Variants in THRB observed in about 807,000 individuals in gnomAD.
The protein encoded by THRB is thyroid hormone receptor beta, also known as nuclear receptor subfamily 1 group A member 2.
A neutral mutation model predicts 47.8 loss-of-function variants in THRB; 12 were observed. That is an observed-to-expected ratio of 0.25 (90% CI 0.16 to 0.41). THRB has a LOEUF of 0.41. Ranked by LOEUF, THRB falls within the 10% of genes least tolerant of loss-of-function variation. The pLI is 1.00. For synonymous variants in THRB, 218 were observed against 212.2 expected (o/e 1.03, Z -0.24); for missense variants, 348 against 589.2 (o/e 0.59, Z 4.24).
intron 2 of THRB, among the ~76,000 whole-genome samples, chr3:24,309,076 T>G (rs948789950): frequency 6.6e-6 from 1 of 152,196 alleles, no homozygotes; most frequent in African/African-American, 2.4e-5. Flanking sequence ...GAATACTGCT[T>G]CATCAGAGAG....
At chr3:24,259,216 C>A (rs2051659763) in intron 3 of THRB, among the ~76,000 whole-genome samples, 1 of 152,136 alleles carries the variant, frequency 6.6e-6, no homozygotes, top group East Asian at 1.9e-4. Context: ...TACACAAAGA[C>A]AAGCTGGCCA....
intron 3 of THRB, among the ~76,000 whole-genome samples, chr3:24,233,617 G>GAAAGAAAGAAAGAAAGAA (rs2048558082): frequency 1.7e-5 from 1 of 59,664 alleles, no homozygotes; most frequent in Non-Finnish European, 4.5e-5. Context: ...GAAAGAAAGA[G>GAAAGAAAGAAAGAAAGAA]AAAGAGCCTG....
chr3:24,225,253 T>C (rs1229230712), intron 4 of THRB, among the ~76,000 whole-genome samples: 1 of 152,018 alleles, frequency 6.6e-6, no homozygotes, highest in Non-Finnish European at 1.5e-5. Context: ...TGGTGGGAAA[T>C]TTTGGGGTAA....
At chr3:24,142,923 C>T (rs1472031797) in intron 8 of THRB, among the ~76,000 whole-genome samples, 9 of 152,154 alleles carry the variant, frequency 5.9e-5, no homozygotes, top group Admixed American at 5.9e-4. Flanking sequence ...GAATATTAAA[C>T]ATCAATATTG....
At chr3:24,215,610 C>T (rs367805200) in intron 4 of THRB, among the ~76,000 whole-genome samples, 66 of 152,274 alleles carry the variant, frequency 4.3e-4, no homozygotes, top group African/African-American at 1.6e-3. Flanking sequence ...ATCTCCATAA[C>T]GTTATTAGGC....
At chr3:24,446,435 G>C (rs796750706) in intron 1 of THRB, among the ~76,000 whole-genome samples, 1 of 152,064 alleles carries the variant, frequency 6.6e-6, no homozygotes, top group East Asian at 1.9e-4. Context: ...AGCAGGTTTG[G>C]AGAGAGGTCA....
intron 3 of THRB, among the ~76,000 whole-genome samples, chr3:24,272,613 C>T (rs1450949357): frequency 6.6e-6 from 1 of 152,118 alleles, no homozygotes; most frequent in African/African-American, 2.4e-5. Flanking sequence ...AATTTTTGCT[C>T]ATTGACTCAC....
chr3:24,476,138 G>A (rs1440010296), intron 1 of THRB, among the ~76,000 whole-genome samples: 1 of 152,192 alleles, frequency 6.6e-6, no homozygotes, highest in Non-Finnish European at 1.5e-5. Context: ...CTGGAATTGT[G>A]TCTCAGCCTG....
chr3:24,375,967 A>G (rs2065257701), intron 1 of THRB, among the ~76,000 whole-genome samples: 2 of 152,172 alleles, frequency 1.3e-5, no homozygotes, highest in South Asian at 2.1e-4. Context: ...CATTTCTCAC[A>G]AAGGATTTAC....
At chr3:24,383,490 TA>T (rs2065859449) in intron 1 of THRB, among the ~76,000 whole-genome samples, 1 of 152,150 alleles carries the variant, frequency 6.6e-6, no homozygotes, top group Non-Finnish European at 1.5e-5. Context: ...ACTGAATAAT[TA>T]AAAAATAATT....
chr3:24,454,566 A>C (rs908411930), intron 1 of THRB, among the ~76,000 whole-genome samples: 1 of 152,224 alleles, frequency 6.6e-6, no homozygotes, highest in Non-Finnish European at 1.5e-5. Flanking sequence ...TTTTTACTAC[A>C]CTTTAAAATG....
chr3:24,317,406 C>A (rs189218106), intron 2 of THRB, among the ~76,000 whole-genome samples: 2 of 152,118 alleles, frequency 1.3e-5, no homozygotes, highest in Non-Finnish European at 2.9e-5. Flanking sequence ...GTTGTGCTCA[C>A]GGCAGAAGGT....
chr3:24,409,745 A>G (rs1169627746), intron 1 of THRB, among the ~76,000 whole-genome samples: 1 of 151,850 alleles, frequency 6.6e-6, no homozygotes, highest in African/African-American at 2.4e-5. Flanking sequence ...ACTAACAAAC[A>G]AGCAGTTGGG....
intron 1 of THRB, among the ~76,000 whole-genome samples, chr3:24,385,435 A>G (rs1339571154): frequency 6.6e-6 from 1 of 151,976 alleles, no homozygotes; most frequent in East Asian, 1.9e-4. Flanking sequence ...ACACACACAC[A>G]CACGCACGGC....
At chr3:24,264,175 C>T (rs951578225) in intron 3 of THRB, among the ~76,000 whole-genome samples, 2 of 152,120 alleles carry the variant, frequency 1.3e-5, no homozygotes, top group Non-Finnish European at 1.5e-5. Context: ...GTCTCACAGA[C>T]CTCCTTCTTT....
In THRB at chr3:24,466,277, A is replaced by T. The variant is rs138750494; in HGVS notation, c.-261+28375T>A. ...ATTGTTTTTTTTCCTCTTATTTACC[A>T]TCTCCATTTTTTTCATTCTTTCTGG... On this transcript the variant is annotated intron_variant, in intron 1 of 10. Coordinates refer to ENST00000646209, the MANE Select transcript of THRB (RefSeq NM_001354712.2). Among the ~76,000 whole-genome samples the T allele has an allele frequency of 3.9e-3, 589 of 150,682 alleles. 11 individuals carry two copies. The highest frequency in any genetic ancestry group is 0.013 in the African/African-American group (514 of 40,974).
chr3:24,168,777 G>T (rs1013409026), intron 5 of THRB, among the ~76,000 whole-genome samples: 2 of 151,412 alleles, frequency 1.3e-5, no homozygotes, highest in Non-Finnish European at 2.9e-5. Context: ...GGCTTCACCT[G>T]CCTTTGAGTT....
intron 1 of THRB, among the ~76,000 whole-genome samples, chr3:24,378,582 T>C (rs1484694138): frequency 6.6e-6 from 1 of 152,178 alleles, no homozygotes; most frequent in East Asian, 1.9e-4. Flanking sequence ...TTTCCTGCCA[T>C]GACGGTGCTC....
chr3:24,123,030 CGTG>C lies in THRB; in HGVS notation c.1237_1239del (p.His413del). 1 of 1,614,136 alleles carries C rather than the reference CGTG, an allele frequency of 6.2e-7. No homozygotes were observed. Among genetic ancestry groups the C allele is most frequent in the Non-Finnish European group, 8.5e-7 (1 of 1,180,036 alleles). ...AGGAGTTTTGGCCAAAAGTGTGTCA[CGTG>C]GTGTTTTCGGTAATTGATATAGTGT... On this transcript the variant is annotated inframe_deletion, in exon 11 of 11. Coordinates refer to ENST00000646209, the MANE Select transcript of THRB (RefSeq NM_001354712.2).
Sources: gnomAD v4.1 joint callset for allele counts (sites outside exome capture counted in the v4.1 genomes callset) on GRCh38, gnomAD v4.1.1 for gene constraint, MANE v1.5 for transcripts, NCBI Gene and HGNC (gene_info 2026-07-23, HGNC 2026-07-21) for gene names.